Variants in SBNO2 observed in about 807,000 individuals in gnomAD.
The protein encoded by SBNO2 is protein strawberry notch homolog 2.
Under a neutral mutation model 146.3 loss-of-function variants are expected in SBNO2, and 89 were observed. The ratio of observed to expected loss-of-function variants is 0.61; its 90% CI spans 0.51 to 0.73. The LOEUF is 0.73. SBNO2 is among the 30% of genes least tolerant of loss of function. The pLI, the probability that SBNO2 is intolerant of heterozygous loss-of-function variation, is 0.00. For synonymous variants in SBNO2, 1,147 were observed against 892.6 expected, an observed-to-expected ratio of 1.29 and a Z score of -5.08; for missense variants, 2,092 against 2,003.7, an observed-to-expected ratio of 1.04 and a Z score of -0.84.
intron 17 of SBNO2, chr19:1,115,765 G>T (rs968285231): frequency 3.6e-6 from 2 of 561,210 alleles, no homozygotes; most frequent in Non-Finnish European, 6.4e-6. Context: ...TCCGTGTCCC[G>T]CCCCCCGGGT....
At position 1,149,321 on chromosome 19, in the gene SBNO2, C is replaced by T. The variant is rs373402288; in HGVS notation, c.167+48G>A. 47 of 1,507,208 alleles carry T rather than the reference C, an allele frequency of 3.1e-5. No individual in the cohort carries two copies. The African/African-American group carries it at 6.2e-4, about 20-fold the overall frequency. 93.4% of individuals were successfully genotyped at this position (1,507,208 alleles called of 1,614,324 possible). ...AGAACTCCGTTTGTAACTGTGACTT[C>T]AGAATGAGCAAGCCTGGGGGCCAGG... On this transcript the variant is annotated intron_variant, in intron 3 of 31. Coordinates refer to ENST00000361757, the MANE Select transcript of SBNO2 (RefSeq NM_014963.3).
Position 1,112,619 on chromosome 19 carries a change from C to G in SBNO2, c.2380-82G>C. Reference sequence around the variant, plus strand: ...CGCCACCTCCTCACCCACTAGGCCCCCGCTCCAGGTCACCAGGACGTCCCG... The same window carrying G: ...CGCCACCTCCTCACCCACTAGGCCCGCGCTCCAGGTCACCAGGACGTCCCG... On this transcript the variant is annotated intron_variant, in intron 20 of 31. Transcript: ENST00000361757. The surrounding 1 kb of genome is among the most constrained non-coding windows in gnomAD (Gnocchi z 5.9). 6.8e-7 allele frequency: 1 copy of G among 1,479,358 alleles called. No individual in the cohort carries two copies. The highest frequency in any genetic ancestry group is 1.3e-5 in the South Asian group (1 of 75,540). 91.6% of individuals were successfully genotyped at this position (1,479,358 alleles called of 1,614,324 possible).
intron 17 of SBNO2, chr19:1,115,580 C>G (rs984998954): frequency 5.2e-6 from 1 of 193,740 alleles, no homozygotes; most frequent in Non-Finnish European, 1.1e-5. Context: ...AACGTCCTTT[C>G]AGGCCTGGCC....
chr19:1,155,421 C>T (rs1320165911), intron 1 of SBNO2, among the ~76,000 whole-genome samples: 4 of 152,190 alleles, frequency 2.6e-5, no homozygotes, highest in South Asian at 2.1e-4. Flanking sequence ...CCCAACTGTC[C>T]GCGGCCTCTG....
intron 3 of SBNO2, 131 bp from the exon 4 acceptor site, chr19:1,147,551 A>G: frequency 1.8e-6 from 1 of 541,056 alleles, no homozygotes; most frequent in Non-Finnish European, 3.2e-6. Flanking sequence ...GCCCGGCAGG[A>G]CCCATGGCCC....
intron 1 of SBNO2, among the ~76,000 whole-genome samples, chr19:1,164,288 C>A (rs2080379707): frequency 6.6e-6 from 1 of 152,182 alleles, no homozygotes; most frequent in Admixed American, 6.5e-5. Context: ...GCTTCTCTTG[C>A]CAAACCTCCT....
Position 1,122,640 on chromosome 19 carries a change from C to T in SBNO2, c.914+18G>A. ...CCCCCACCCCCGCTCCCGCCCCCTG[C>T]CCCAGGCAGGGCCTCACCACAATGC... On this transcript the variant is annotated intron_variant, in intron 9 of 31. Coordinates refer to ENST00000361757, the MANE Select transcript of SBNO2 (RefSeq NM_014963.3). 2 of 1,528,480 alleles carry T rather than the reference C, an allele frequency of 1.3e-6. No homozygotes were observed. Among genetic ancestry groups the T allele is most frequent in the Non-Finnish European group, 8.8e-7 (1 of 1,141,936 alleles). 94.7% of individuals were successfully genotyped at this position (1,528,480 alleles called of 1,614,324 possible). A position where few individuals can be genotyped will look rare whatever the true frequency, so the allele number is the denominator to read the frequency against.
intron 15 of SBNO2, 54 bp from the exon 16 acceptor site, chr19:1,116,980 G>C (rs2079840340): frequency 6.7e-7 from 1 of 1,483,662 alleles, no homozygotes; most frequent in East Asian, 2.5e-5. Flanking sequence ...GGCCTCTGTG[G>C]GGCCAGAACC....
At position 1,111,543 on chromosome 19, in the gene SBNO2, G is replaced by C; in HGVS notation, c.2772C>G (p.Pro924=). The C allele has an allele frequency of 1.3e-6, 2 of 1,594,656 alleles. No individual in the cohort carries two copies. The highest frequency in any genetic ancestry group is 1.7e-6 in the Non-Finnish European group (2 of 1,171,102). The change falls in exon 24 of 32, where the codon CCC becomes CCG. Residue 924 remains proline (P), a synonymous_variant. Transcript: ENST00000361757. ...TGGGGACCCCTCCAGGGTATCCCTG[G>C]GGCACAGGCACTTTGTTCTCAGTCT... ...LSQTENKVPV[P]QGYPGGVPTF...
chr19:1,164,972 C>CAGGAGG (rs1259604106), intron 1 of SBNO2, among the ~76,000 whole-genome samples: 1 of 68,960 alleles, frequency 1.5e-5, no homozygotes, highest in African/African-American at 5.9e-5. Context: ...GGAGGAGGAA[C>CAGGAGG]AGGAGGAGGA....
chr19:1,117,145 C>T (rs749017003), intron 15 of SBNO2, among the ~76,000 whole-genome samples, 178 bp downstream of exon 15: 9 of 152,308 alleles, frequency 5.9e-5, no homozygotes, highest in East Asian at 3.9e-4. Flanking sequence ...GGTCACACTC[C>T]GCTGTTCTGA....
Position 1,122,488 on chromosome 19 carries a change from C to A in SBNO2, c.985G>T (p.Ala329Ser). Residue 329 changes from alanine to serine, a missense_variant, in exon 10 of 32, where the codon GCG becomes TCG. By Grantham distance (99) the Ala-to-Ser change is moderately conservative (BLOSUM62 1). Coordinates refer to ENST00000361757, the MANE Select transcript of SBNO2 (RefSeq NM_014963.3). ...CCTACCTTGCTGAGCGCGTGCACCG[C>A]GATGCCCGTGGCTTCGATGTCCCGC... ...DLRDIEATGI[A>S]VHALSKIKYG... The A allele has an allele frequency of 1.3e-6, 2 of 1,573,930 alleles. No homozygotes were observed. The highest frequency in any genetic ancestry group is 1.7e-6 in the Non-Finnish European group (2 of 1,161,846).
intron 1 of SBNO2, among the ~76,000 whole-genome samples, chr19:1,168,034 C>G (rs2080442615): frequency 6.6e-6 from 1 of 151,890 alleles, no homozygotes; most frequent in African/African-American, 2.4e-5. Flanking sequence ...CACACAGGTG[C>G]ACCCCTGGGG....
rs1348623334 is a variant in SBNO2, at chr19:1,117,371, C to T, written c.1656G>A (p.Lys552=). ...GGGCCAGCTCCACCAGCCGGCGCACCTTGGCTGCGATGCACAGATACTTGA... is the reference window on the plus strand; with the variant it reads ...GGGCCAGCTCCACCAGCCGGCGCACTTTGGCTGCGATGCACAGATACTTGA... The part of the protein sequence containing the change: ...RFFKYLCIAA[K]VRRLVELARE... Residue 552 remains lysine, a synonymous_variant, in exon 15 of 32, where the codon AAG becomes AAA. Coordinates refer to ENST00000361757, the MANE Select transcript of SBNO2 (RefSeq NM_014963.3). The T allele has an allele frequency of 1.3e-6, 2 of 1,585,092 alleles. No homozygotes were observed. Among genetic ancestry groups the T allele is most frequent in the African/African-American group, 2.7e-5 (2 of 74,254 alleles).
Position 1,108,224 on chromosome 19 carries a change from A to AGAG in SBNO2, c.4094_4096dup (p.Pro1365dup). 6.5e-7 allele frequency: 1 copy of AGAG among 1,527,330 alleles called. No homozygotes were observed. The highest frequency in any genetic ancestry group is 2.1e-4 in the Middle Eastern group (1 of 4,716). The allele number at this position is 1,527,330 out of a possible 1,614,324, so 94.6% of individuals were successfully genotyped here. A position where few individuals can be genotyped will look rare whatever the true frequency, so the allele number is the denominator to read the frequency against. On this transcript the variant is annotated inframe_insertion, in exon 32 of 32. Coordinates refer to ENST00000361757, the MANE Select transcript of SBNO2 (RefSeq NM_014963.3). Reference sequence around the variant, plus strand: ...CATGTTTCGCCTAAAGGCGTGTCAGAGAGGAGCCTGGGCGCCGGGGAAGGG... The same window carrying AGAG: ...CATGTTTCGCCTAAAGGCGTGTCAGAGAGGAGGAGCCTGGGCGCCGGGGAAGGG...
At position 1,107,973 on chromosome 19, in the gene SBNO2, C is replaced by T. The variant is rs987271246; in HGVS notation, c.*247G>A. 4 of 309,702 alleles carry T rather than the reference C, an allele frequency of 1.3e-5. No homozygotes were observed. The highest frequency in any genetic ancestry group is 6.7e-5 in the African/African-American group (3 of 44,506). The allele number at this position is 309,702 out of a possible 1,614,324, so 19.2% of individuals were successfully genotyped here. A position where few individuals can be genotyped will look rare whatever the true frequency, so the allele number is the denominator to read the frequency against. On this transcript the variant is annotated 3_prime_UTR_variant, in exon 32 of 32. Coordinates refer to ENST00000361757, the MANE Select transcript of SBNO2 (RefSeq NM_014963.3). ...GGTGCCCAGTCCCAGAGCAGCCACC[C>T]GGAGCCCCTTCCTACTTGGGAGGAG...
At position 1,126,803 on chromosome 19, in the gene SBNO2, G is replaced by C. The variant is rs11084884; in HGVS notation, c.441+801C>G. Among the ~76,000 whole-genome samples the C allele has an allele frequency of 0.28, 42,186 of 152,144 alleles. 5,972 individuals carry two copies. The highest frequency in any genetic ancestry group is 0.38 in the East Asian group (1,940 of 5,166). On this transcript the variant is annotated intron_variant, in intron 5 of 31. Transcript: ENST00000361757. The surrounding 1 kb of genome is among the most constrained non-coding windows in gnomAD (Gnocchi z 4.4). ...CTCCCAAAGTCTAGAAGCTTCTCTC[G>C]TGGACAGGCCCGGATTGGGGAAGGG...
At chr19:1,152,154 G>T (rs1438889880) in intron 2 of SBNO2, among the ~76,000 whole-genome samples, 1 of 152,190 alleles carries the variant, frequency 6.6e-6, no homozygotes, top group Non-Finnish European at 1.5e-5. Flanking sequence ...GGTGCGCCCC[G>T]GCCTGAGCCC....
In SBNO2 at chr19:1,112,508, G is replaced by A. The variant is rs757606856; in HGVS notation, c.2409C>T (p.Ser803=). 1.2e-6 allele frequency: 2 copies of A among 1,604,916 alleles called. No homozygotes were observed. Among genetic ancestry groups the A allele is most frequent in the East Asian group, 2.2e-5 (1 of 44,734 alleles). ...GGTCGGCTTGGAGGGAGACACCCGA[G>A]CTGGAGGCCTCCGAGATGATGGCCA... ...KLVAIISEAS[S]SGVSLQADRR... Residue 803 remains serine, a synonymous_variant, in exon 21 of 32, where the codon AGC becomes AGT. Coordinates refer to ENST00000361757, the MANE Select transcript of SBNO2 (RefSeq NM_014963.3). This position sits in a 1 kb window ranked among gnomAD's most constrained non-coding sequence, Gnocchi z 5.9.
Sources: allele counts gnomAD v4.1 joint callset (sites outside exome capture counted in the v4.1 genomes callset), GRCh38; gene constraint gnomAD v4.1.1; non-coding constraint Gnocchi (gnomAD v3.1); transcripts MANE v1.5; gene names NCBI Gene and HGNC (gene_info 2026-07-23, HGNC 2026-07-21).